FBXO38: variants seen among roughly 807,000 people sequenced by gnomAD.
FBXO38 encodes F-box protein 38.
A neutral mutation model predicts 131.9 loss-of-function variants in FBXO38; 53 were observed. The observed-to-expected ratio is 0.40, with a 90% CI of 0.32 to 0.51. FBXO38 has a LOEUF of 0.51. FBXO38 is among the 20% of genes least tolerant of loss of function. The probability of loss-of-function intolerance (pLI) is 0.53; values close to 1 mark genes in which losing one functional copy is unlikely to be tolerated. For missense variants in FBXO38, 1,076 were observed against 1,475.6 expected, an observed-to-expected ratio of 0.73 and a Z score of 4.44; for synonymous variants, 452 against 505.6, an observed-to-expected ratio of 0.89 and a Z score of 1.42.
intron 1 of FBXO38, among the ~76,000 whole-genome samples, chr5:148,384,250 C>T (rs1470252250): frequency 1.3e-5 from 2 of 152,164 alleles, no homozygotes; most frequent in Non-Finnish European, 2.9e-5. Context: ...CGGGGGTTGC[C>T]TGCTTGTCTG....
intron 17 of FBXO38, among the ~76,000 whole-genome samples, chr5:148,435,877 T>C (rs1435877522): frequency 6.6e-6 from 1 of 152,182 alleles, no homozygotes; most frequent in Non-Finnish European, 1.5e-5. Context: ...CATCATTGTA[T>C]CTCAGGGAGT....
intron 1 of FBXO38, among the ~76,000 whole-genome samples, chr5:148,388,403 G>A (rs1400262366): frequency 2.6e-5 from 4 of 152,158 alleles, no homozygotes; most frequent in South Asian, 4.1e-4. Flanking sequence ...TTGAAGCTAG[G>A]CATTTACTTC....
At chr5:148,420,763 A>G (rs1753368698) in intron 12 of FBXO38, among the ~76,000 whole-genome samples, 1 of 152,044 alleles carries the variant, frequency 6.6e-6, no homozygotes, top group South Asian at 2.1e-4. Context: ...GAATCAGCAC[A>G]TTGCTGATTT....
chr5:148,399,427 A>G (rs1407232956), intron 3 of FBXO38: 1 of 323,022 alleles, frequency 3.1e-6, no homozygotes, highest in East Asian at 6.4e-5. Context: ...GTATATGTGT[A>G]TCACATTAGA....
chr5:148,434,105 C>T, intron 17 of FBXO38: 1 of 160,956 alleles, frequency 6.2e-6, no homozygotes, highest in South Asian at 1.9e-4. Context: ...AGCGGTTGGG[C>T]CTCAAGTGTA....
chr5:148,416,136 T>C, intron 11 of FBXO38, 66 bp downstream of exon 11: 1 of 1,204,328 alleles, frequency 8.3e-7, no homozygotes, highest in East Asian at 3.7e-5. Flanking sequence ...AGCCTGTGAT[T>C]TTTTTTTTTT....
chr5:148,427,659 A>C lies in FBXO38; in HGVS notation c.2365A>C (p.Ser789Arg). The C allele has an allele frequency of 2.5e-6, 4 of 1,614,214 alleles. No individual in the cohort carries two copies. The highest frequency in any genetic ancestry group is 3.4e-6 in the Non-Finnish European group (4 of 1,180,034). Residue 789 changes from serine (S) to arginine (R), a missense_variant, in exon 15 of 22, where the codon AGC (serine) becomes CGC (arginine). Coordinates refer to ENST00000340253, the MANE Select transcript of FBXO38 (RefSeq NM_205836.3). ...HRPQESQRRT[S>R]RCSDEERPST... is the part of the protein sequence containing the mutation. ...GCCCCAGGAATCCCAAAGGAGAACT[A>C]GCAGGTGTTCTGATGAGGAACGTCC...
At position 148,387,909 on chromosome 5, in the gene FBXO38, C is replaced by T. The variant is rs567519565; in HGVS notation, c.-64+3870C>T. Among the ~76,000 whole-genome samples the T allele has an allele frequency of 1.3e-4, 20 of 152,198 alleles. No individual in the cohort carries two copies. In the East Asian group the frequency reaches 3.5e-3, roughly 27 times the overall value. On this transcript the variant is annotated intron_variant, in intron 1 of 21. Transcript: ENST00000340253. ...GTTTCACTATGTTGGCCAGACTGGTCTCGAGCTCCTGACCTTGTGATCTGC... is the reference window on the plus strand; with the variant it reads ...GTTTCACTATGTTGGCCAGACTGGTTTCGAGCTCCTGACCTTGTGATCTGC...
intron 1 of FBXO38, among the ~76,000 whole-genome samples, chr5:148,386,586 A>G (rs1206823675): frequency 6.6e-6 from 1 of 152,120 alleles, no homozygotes; most frequent in Non-Finnish European, 1.5e-5. Context: ...AACTTTTAAC[A>G]TTCTGGGATT....
At chr5:148,412,635 A>C (rs1752827609) in intron 9 of FBXO38, among the ~76,000 whole-genome samples, 1 of 152,074 alleles carries the variant, frequency 6.6e-6, no homozygotes, top group South Asian at 2.1e-4. Context: ...AGTTCTAGCA[A>C]TTTAGTCCTA....
At chr5:148,415,186 C>T (rs1752981201) in intron 10 of FBXO38, among the ~76,000 whole-genome samples, 1 of 152,052 alleles carries the variant, frequency 6.6e-6, no homozygotes, top group African/African-American at 2.4e-5. Flanking sequence ...GCGTAGATGA[C>T]TTTAAAAAAA....
intron 3 of FBXO38, among the ~76,000 whole-genome samples, chr5:148,400,481 T>G (rs1026827339): frequency 9.2e-5 from 14 of 152,144 alleles, no homozygotes; most frequent in African/African-American, 3.1e-4. Flanking sequence ...TGCTGACTTT[T>G]AGGCTATGAT....
rs1284674067 is a variant in FBXO38, at chr5:148,402,148, G to A, written c.426+3G>A. 1.2e-6 allele frequency: 2 copies of A among 1,604,642 alleles called. No individual in the cohort carries two copies. Among genetic ancestry groups the A allele is most frequent in the African/African-American group, 2.7e-5 (2 of 74,760 alleles). On this transcript the variant is annotated splice_donor_region_variant and intron_variant, in intron 4 of 21. Coordinates refer to ENST00000340253, the MANE Select transcript of FBXO38 (RefSeq NM_205836.3). ...TGCAGGCATGCCCAAACTTAGTGGT[G>A]AGTGCACCTGGTTGAACATTTTGGC...
Position 148,409,161 on chromosome 5 carries a change from T to C in FBXO38, c.906T>C (p.Ala302=). The C allele has an allele frequency of 6.2e-7, 1 of 1,613,520 alleles. No homozygotes were observed. Among genetic ancestry groups the C allele is most frequent in the Non-Finnish European group, 8.5e-7 (1 of 1,179,518 alleles). Residue 302 remains alanine (A), a synonymous_variant, in exon 8 of 22, where the codon GCT becomes GCC. Coordinates refer to ENST00000340253, the MANE Select transcript of FBXO38 (RefSeq NM_205836.3). ...ATTTGCACACTATTGTTCTGGGAGC[T>C]TGCAAAAATGCTCTTGAAGTAGATC... The part of the protein sequence containing the change: ...FRNLHTIVLG[A]CKNALEVDLG...
intron 12 of FBXO38, among the ~76,000 whole-genome samples, chr5:148,421,370 G>A (rs1753419817): frequency 6.6e-6 from 1 of 151,992 alleles, no homozygotes; most frequent in African/African-American, 2.4e-5. Context: ...TGAAGCCTAA[G>A]GGCAAACTAC....
At chr5:148,413,342 G>GTTTTTTTCACCAGAGTGGCAGTGT (rs1561528233) in intron 9 of FBXO38, 2 of 149,150 alleles carry the variant, frequency 1.3e-5, no homozygotes, top group East Asian at 3.9e-4. Context: ...GAGTGGCAGT[G>GTTTTTTTCACCAGAGTGGCAGTGT]TTTTTTTTTT....
chr5:148,427,534 C>G lies in FBXO38; in HGVS notation c.2240C>G (p.Ser747Cys). Residue 747 changes from serine to cysteine, a missense_variant, in exon 15 of 22, where the codon TCC (serine) becomes TGC (cysteine). Physicochemically the swap from Ser to Cys is moderately radical, Grantham distance 112. Coordinates refer to ENST00000340253, the MANE Select transcript of FBXO38 (RefSeq NM_205836.3). Reference protein sequence around the residue: ...SEPSPTEVDVSRQCACSPGGS... With the variant: ...SEPSPTEVDVCRQCACSPGGS... Reference sequence around the variant, plus strand: ...CCTAGCCCTACAGAAGTGGATGTGTCCAGGCAGTGTGCCTGCTCCCCCGGT... The same window carrying G: ...CCTAGCCCTACAGAAGTGGATGTGTGCAGGCAGTGTGCCTGCTCCCCCGGT... 4 of 1,614,152 alleles carry G rather than the reference C, an allele frequency of 2.5e-6. No homozygotes were observed. The Middle Eastern group carries it at 6.6e-4, about 266-fold the overall frequency.
At chr5:148,401,718 A>T (rs1399286072) in intron 3 of FBXO38, among the ~76,000 whole-genome samples, 4 of 152,278 alleles carry the variant, frequency 2.6e-5, no homozygotes, top group African/African-American at 9.6e-5. Flanking sequence ...GAAGATTTCT[A>T]TGCCTTAAAA....
At chr5:148,393,052 T>C (rs970017702) in intron 1 of FBXO38, among the ~76,000 whole-genome samples, 3 of 152,090 alleles carry the variant, frequency 2.0e-5, no homozygotes, top group Admixed American at 6.6e-5. Flanking sequence ...CAAAATGTGA[T>C]AGACAACATA....
Sources: allele counts gnomAD v4.1 joint callset (sites outside exome capture counted in the v4.1 genomes callset), GRCh38; gene constraint gnomAD v4.1.1; transcripts MANE v1.5; gene names NCBI Gene and HGNC (gene_info 2026-07-23, HGNC 2026-07-21).